DPP10: variants seen among roughly 807,000 people sequenced by gnomAD.
The protein encoded by DPP10 is inactive dipeptidyl peptidase 10.
In DPP10, 33 loss-of-function variants were observed where a neutral mutation model predicts 120.9. The ratio of observed to expected loss-of-function variants is 0.27; its 90% confidence interval spans 0.21 to 0.37. DPP10 has a LOEUF of 0.37. Ranked by LOEUF, DPP10 falls within the 10% of genes least tolerant of loss-of-function variation. The pLI, the probability that DPP10 is intolerant of heterozygous loss-of-function variation, is 1.00. For synonymous variants in DPP10, 337 were observed against 326.1 expected (o/e 1.03, Z -0.36); for missense variants, 816 against 942.8 (o/e 0.87, Z 1.76).
intron 21 of DPP10, among the ~76,000 whole-genome samples, chr2:115,826,444 G>A (rs147777120): frequency 1.3e-5 from 2 of 152,176 alleles, no homozygotes; most frequent in East Asian, 1.9e-4. Flanking sequence ...GACCTTGGCC[G>A]GGCATGGTGG....
intron 1 of DPP10, among the ~76,000 whole-genome samples, chr2:114,591,378 A>G (rs781575583): frequency 1.3e-5 from 2 of 152,176 alleles, no homozygotes; most frequent in Non-Finnish European, 2.9e-5. Flanking sequence ...AGACTGGTCC[A>G]TCAACGCTGA....
At position 115,472,119 on chromosome 2, in the gene DPP10, A is replaced by G. The variant is rs185812099; in HGVS notation, c.272-27391A>G. 4.6e-5 allele frequency among the ~76,000 whole-genome samples: 7 copies of G among 152,288 alleles called. No homozygotes were observed. In the East Asian group the frequency reaches 1.4e-3, roughly 29 times the overall value. ...TTGTGCAATCCTTCTAGGTGCCTGC[A>G]TGCTCTGTGCTTATCTTTAATGATA... On this transcript the variant is annotated intron_variant, in intron 3 of 25. Coordinates refer to ENST00000410059, the MANE Select transcript of DPP10 (RefSeq NM_020868.6).
chr2:115,733,227 TTGTTTCACATTAA>T (rs999404471), intron 8 of DPP10, among the ~76,000 whole-genome samples: 10 of 152,200 alleles, frequency 6.6e-5, no homozygotes, highest in South Asian at 2.1e-4. Context: ...ACCTTCATGT[TTGTTTCACATTAA>T]TGTTTCACAT....
At chr2:115,677,430 A>T (rs2090350504) in intron 5 of DPP10, among the ~76,000 whole-genome samples, 1 of 152,102 alleles carries the variant, frequency 6.6e-6, no homozygotes, top group Admixed American at 6.6e-5. Flanking sequence ...CCAGTCAATA[A>T]CTGACTAGCA....
intron 21 of DPP10, among the ~76,000 whole-genome samples, chr2:115,819,578 GA>G: frequency 6.6e-6 from 1 of 151,684 alleles, no homozygotes; most frequent in East Asian, 1.9e-4. Flanking sequence ...ATTTATCTTT[GA>G]TTTTACTTTG....
chr2:115,566,405 C>T (rs2081013209), intron 5 of DPP10, among the ~76,000 whole-genome samples: 1 of 151,774 alleles, frequency 6.6e-6, no homozygotes, highest in African/African-American at 2.4e-5. Context: ...AAAGCATTTT[C>T]CATTCTTTCC....
chr2:115,375,262 C>T (rs1198556708), intron 3 of DPP10, among the ~76,000 whole-genome samples: 1 of 152,172 alleles, frequency 6.6e-6, no homozygotes, highest in East Asian at 1.9e-4. Flanking sequence ...TAAATAATCT[C>T]TCTCAAGTTG....
chr2:115,472,386 A>T (rs2074787254), intron 3 of DPP10, among the ~76,000 whole-genome samples: 1 of 152,214 alleles, frequency 6.6e-6, no homozygotes, highest in South Asian at 2.1e-4. Context: ...TTTCAAGTAG[A>T]TATATTACAA....
At chr2:115,425,212 C>A (rs2070344514) in intron 3 of DPP10, among the ~76,000 whole-genome samples, 1 of 152,052 alleles carries the variant, frequency 6.6e-6, no homozygotes, top group Non-Finnish European at 1.5e-5. Flanking sequence ...ATGGGTTTGC[C>A]AACTTGCATG....
Position 114,447,350 on chromosome 2 carries a change from G to C in DPP10, c.60+4512G>C, listed in dbSNP as rs1041020182. 2.6e-5 allele frequency among the ~76,000 whole-genome samples: 4 copies of C among 152,102 alleles called. No homozygotes were observed. The South Asian group carries it at 8.3e-4, about 32-fold the overall frequency. On this transcript the variant is annotated intron_variant, in intron 1 of 25. Coordinates refer to ENST00000410059, the MANE Select transcript of DPP10 (RefSeq NM_020868.6). ...AAATGCTGGACACTGACAAACCTGC[G>C]TTTCACATAGTACTTGAACTTGAAT...
At chr2:114,510,947 C>T (rs113519702) in intron 1 of DPP10, among the ~76,000 whole-genome samples, 103 of 152,238 alleles carry the variant, frequency 6.8e-4, no homozygotes, top group African/African-American at 2.3e-3. Flanking sequence ...GTTACAGATA[C>T]CAAAGAGCTT....
intron 1 of DPP10, among the ~76,000 whole-genome samples, chr2:115,112,702 G>A (rs1388685792): frequency 6.6e-6 from 1 of 152,166 alleles, no homozygotes; most frequent in Non-Finnish European, 1.5e-5. Context: ...GTGGTTACCA[G>A]AGGCTGAGGT....
chr2:114,647,152 G>A (rs937090447), intron 1 of DPP10, among the ~76,000 whole-genome samples: 12 of 152,208 alleles, frequency 7.9e-5, no homozygotes, highest in African/African-American at 2.9e-4. Context: ...AAATTAGCGA[G>A]AGCAGCTCTG....
chr2:115,261,949 C>T (rs560479914), intron 1 of DPP10, among the ~76,000 whole-genome samples: 2 of 152,252 alleles, frequency 1.3e-5, no homozygotes, highest in East Asian at 3.9e-4. Context: ...CAGCTGCAGA[C>T]AGTTGACAAG....
chr2:114,527,647 A>G (rs1330754353), intron 1 of DPP10, among the ~76,000 whole-genome samples: 2 of 152,190 alleles, frequency 1.3e-5, no homozygotes, highest in African/African-American at 4.8e-5. Flanking sequence ...TACAAAGTAT[A>G]GTTATGCACC....
intron 1 of DPP10, among the ~76,000 whole-genome samples, chr2:115,126,115 C>T (rs1316077841): frequency 6.6e-6 from 1 of 152,092 alleles, no homozygotes; most frequent in Non-Finnish European, 1.5e-5. Context: ...TTATTGTACT[C>T]AAGTTTGTTT....
At chr2:115,074,997 G>A (rs10864934) in intron 1 of DPP10, among the ~76,000 whole-genome samples, 35,985 of 151,998 alleles carry the variant, frequency 0.24, 4,567 homozygotes, top group East Asian at 0.5. Context: ...ATGAAATGTC[G>A]GATAAGCAGC....
intron 1 of DPP10, among the ~76,000 whole-genome samples, chr2:114,751,727 A>T (rs566459697): frequency 2.0e-5 from 3 of 152,154 alleles, no homozygotes; most frequent in Non-Finnish European, 2.9e-5. Flanking sequence ...CCAGGTTTCA[A>T]TCTATTTCCT....
At chr2:115,763,344 G>A (rs1263939114) in intron 12 of DPP10, among the ~76,000 whole-genome samples, 4 of 152,022 alleles carry the variant, frequency 2.6e-5, no homozygotes, top group African/African-American at 9.7e-5. Flanking sequence ...AGTGAGTTCT[G>A]AAATATCCAA....
Sources: allele counts gnomAD v4.1 joint callset (sites outside exome capture counted in the v4.1 genomes callset), GRCh38; gene constraint gnomAD v4.1.1; transcripts MANE v1.5; gene names NCBI Gene and HGNC (gene_info 2026-07-23, HGNC 2026-07-21).